PTPRK: variants seen among roughly 807,000 people sequenced by gnomAD.
PTPRK encodes receptor-type tyrosine-protein phosphatase kappa.
In PTPRK, 75 loss-of-function variants were observed where a neutral mutation model predicts 178.0. That is an observed-to-expected ratio of 0.42 (90% CI 0.35 to 0.51). The LOEUF (loss-of-function observed/expected upper bound fraction) is 0.51. Among genes scored for constraint, PTPRK ranks in the 20% least tolerant of loss-of-function variants. The pLI, the probability that PTPRK is intolerant of heterozygous loss-of-function variation, is 0.02. For synonymous variants in PTPRK, 637 were observed against 620.6 expected (o/e 1.03, Z -0.39); for missense variants, 1,441 against 1,797.8 (o/e 0.80, Z 3.59).
intron 1 of PTPRK, among the ~76,000 whole-genome samples, chr6:128,454,868 T>C (rs951774624): frequency 2.0e-5 from 3 of 152,128 alleles, no homozygotes; most frequent in African/African-American, 7.2e-5. Flanking sequence ...TATAGAATTA[T>C]ATAACCAGAC....
rs1428079258 is a variant in PTPRK, at chr6:128,021,639, C to CA, written c.2195-12372dup. On this transcript the variant is annotated intron_variant, in intron 13 of 29. Coordinates refer to ENST00000368226, the MANE Select transcript of PTPRK (RefSeq NM_002844.4). The stretch of plus-strand genomic sequence containing the variant: ...TGGGTATCAGAGCGAGACTCCGTCT[C>CA]AAAAAAAAAGAAAGAAAGTTTCATC... Among the ~76,000 whole-genome samples the CA allele has an allele frequency of 6.0e-5, 9 of 150,660 alleles. No homozygotes were observed. The South Asian group carries it at 6.3e-4, about 11-fold the overall frequency.
At chr6:128,069,719 C>A (rs1477236828) in intron 11 of PTPRK, among the ~76,000 whole-genome samples, 1 of 151,704 alleles carries the variant, frequency 6.6e-6, no homozygotes, top group Non-Finnish European at 1.5e-5. Context: ...TATCCCATAC[C>A]TCTAGAAAAA....
chr6:128,375,243 T>C (rs988728671), intron 2 of PTPRK, among the ~76,000 whole-genome samples: 2 of 151,824 alleles, frequency 1.3e-5, no homozygotes, highest in East Asian at 1.9e-4. Flanking sequence ...GATAAAGACA[T>C]ACCTGAGGCT....
intron 7 of PTPRK, among the ~76,000 whole-genome samples, chr6:128,152,353 G>C (rs76073306): frequency 0.022 from 3,319 of 152,050 alleles, 100 homozygotes; most frequent in African/African-American, 0.046. Flanking sequence ...TAGAACCAAT[G>C]AGCACAGTGA....
intron 29 of PTPRK, among the ~76,000 whole-genome samples, 193 bp from the exon 30 acceptor site, chr6:127,970,473 A>T (rs992664677): frequency 6.6e-6 from 1 of 152,118 alleles, no homozygotes; most frequent in South Asian, 2.1e-4. Context: ...AGAAAAAGGA[A>T]ATTTATCTTA....
chr6:128,158,987 T>C (rs1161607227), intron 7 of PTPRK, among the ~76,000 whole-genome samples: 1 of 151,868 alleles, frequency 6.6e-6, no homozygotes, highest in Non-Finnish European at 1.5e-5. Flanking sequence ...TCAAAATCAT[T>C]GTAGGGGTCA....
At chr6:128,217,414 CA>C (rs1190692808) in intron 6 of PTPRK, among the ~76,000 whole-genome samples, 5 of 152,018 alleles carry the variant, frequency 3.3e-5, no homozygotes, top group Non-Finnish European at 7.4e-5. Context: ...TCGCATCATC[CA>C]ATAATGGTAA....
At chr6:128,438,153 C>T (rs991655735) in intron 1 of PTPRK, among the ~76,000 whole-genome samples, 30 of 152,242 alleles carry the variant, frequency 2.0e-4, no homozygotes, top group African/African-American at 7.0e-4. Context: ...TACATTGGGG[C>T]TGATTCGCTC....
intron 1 of PTPRK, among the ~76,000 whole-genome samples, chr6:128,449,917 G>A (rs1354714926): frequency 3.5e-5 from 5 of 143,252 alleles, no homozygotes; most frequent in Non-Finnish European, 7.5e-5. Context: ...CCAACGTGGT[G>A]AAGCCCCGTC....
chr6:128,242,626 T>G, intron 3 of PTPRK, 24 bp from the exon 4 acceptor site: 1 of 1,608,182 alleles, frequency 6.2e-7, no homozygotes, highest in Non-Finnish European at 8.5e-7. Flanking sequence ...ACAGAAAATA[T>G]TTACAACAAT....
At chr6:128,508,947 CAA>C (rs11418015) in intron 1 of PTPRK, among the ~76,000 whole-genome samples, 3 of 132,814 alleles carry the variant, frequency 2.3e-5, no homozygotes, top group Admixed American at 7.7e-5. Flanking sequence ...AACTCCATCT[CAA>C]AAAAAAAAAA....
intron 1 of PTPRK, among the ~76,000 whole-genome samples, chr6:128,447,851 T>C (rs1847234059): frequency 1.3e-5 from 2 of 152,094 alleles, no homozygotes; most frequent in South Asian, 4.2e-4. Context: ...CTCGAACTCC[T>C]GACCTTGTGA....
intron 6 of PTPRK, among the ~76,000 whole-genome samples, chr6:128,216,060 G>A (rs998398479): frequency 5.3e-5 from 8 of 152,226 alleles, no homozygotes; most frequent in Middle Eastern, 3.4e-3. Flanking sequence ...AGTATCACCT[G>A]TACGTATTAA....
chr6:127,973,205 C>T (rs1484183736), intron 28 of PTPRK, 48 bp from the exon 29 acceptor site: 4 of 1,610,402 alleles, frequency 2.5e-6, no homozygotes, highest in Admixed American at 1.7e-5. Flanking sequence ...CACCAAGTGA[C>T]CACAGGTCAC....
chr6:128,275,943 C>A (rs1387416032), intron 3 of PTPRK, among the ~76,000 whole-genome samples: 3 of 151,976 alleles, frequency 2.0e-5, no homozygotes, highest in Admixed American at 6.6e-5. Context: ...ATAACCCAAC[C>A]ATGCCTTTTA....
At chr6:128,364,200 T>C (rs1202055035) in intron 2 of PTPRK, among the ~76,000 whole-genome samples, 1 of 152,112 alleles carries the variant, frequency 6.6e-6, no homozygotes, top group Non-Finnish European at 1.5e-5. Flanking sequence ...ATCCCTGTGA[T>C]ATATAACAAA....
At chr6:128,516,491 C>T (rs1858047693) in intron 1 of PTPRK, among the ~76,000 whole-genome samples, 1 of 148,596 alleles carries the variant, frequency 6.7e-6, no homozygotes, top group African/African-American at 2.5e-5. Flanking sequence ...GATATTTAGC[C>T]AATCAAAACC....
At chr6:128,147,732 G>A (rs947929838) in intron 7 of PTPRK, among the ~76,000 whole-genome samples, 52 of 152,180 alleles carry the variant, frequency 3.4e-4, no homozygotes, top group South Asian at 4.1e-4. Flanking sequence ...TAGATCATAC[G>A]AAAACAACAC....
At chr6:128,472,650 G>T in intron 1 of PTPRK, 2 of 321,704 alleles carry the variant, frequency 6.2e-6, no homozygotes, top group Non-Finnish European at 6.0e-6. Flanking sequence ...AACAACTTGA[G>T]AGTGGTTGCA....
Sources: allele counts gnomAD v4.1 joint callset (sites outside exome capture counted in the v4.1 genomes callset), GRCh38; gene constraint gnomAD v4.1.1; transcripts MANE v1.5; gene names NCBI Gene and HGNC (gene_info 2026-07-23, HGNC 2026-07-21).